Variants in LARS2 observed in about 807,000 individuals in gnomAD.
LARS2 encodes leucine--tRNA ligase, mitochondrial.
In LARS2, 81 loss-of-function variants were observed where a neutral mutation model predicts 116.6. The ratio of observed to expected loss-of-function variants is 0.69; its 90% CI spans 0.58 to 0.84. The LOEUF is 0.84. Ranked by LOEUF, LARS2 falls within the 40% of genes least tolerant of loss-of-function variation. LARS2 has a pLI of 0.00. For missense variants in LARS2, 968 were observed against 1,114.5 expected (o/e 0.87, Z 1.87); for synonymous variants, 396 against 407.2 (o/e 0.97, Z 0.33).
At chr3:45,475,352 G>A (rs1351223096) in intron 9 of LARS2, among the ~76,000 whole-genome samples, 2 of 152,208 alleles carry the variant, frequency 1.3e-5, no homozygotes, top group Non-Finnish European at 2.9e-5. Context: ...CCTCCCATAA[G>A]GGAGTGTGTA....
chr3:45,450,200 T>C (rs1228574157), intron 7 of LARS2, among the ~76,000 whole-genome samples: 3 of 152,232 alleles, frequency 2.0e-5, no homozygotes, highest in African/African-American at 7.2e-5. Context: ...ATCAGGGTAA[T>C]TGGGATATCC....
chr3:45,453,666 T>C (rs555642241), intron 7 of LARS2, among the ~76,000 whole-genome samples: 8 of 152,300 alleles, frequency 5.3e-5, no homozygotes, highest in Admixed American at 2.6e-4. Flanking sequence ...GGCCCATTCT[T>C]GATGGAATGG....
intron 15 of LARS2, among the ~76,000 whole-genome samples, chr3:45,501,774 C>T (rs1014173301): frequency 1.3e-5 from 2 of 152,180 alleles, no homozygotes; most frequent in Non-Finnish European, 2.9e-5. Flanking sequence ...TAGTGATTAC[C>T]TAAGCCTATA....
At chr3:45,394,300 C>G (rs1559453680) in intron 2 of LARS2, 133 bp from the exon 3 acceptor site, 1 of 605,042 alleles carries the variant, frequency 1.7e-6, no homozygotes, top group South Asian at 2.1e-5. Context: ...CTAAAGTATT[C>G]TTTTCAGGGA....
intron 6 of LARS2, among the ~76,000 whole-genome samples, chr3:45,428,663 G>T (rs1698640289): frequency 6.6e-6 from 1 of 152,092 alleles, no homozygotes; most frequent in Non-Finnish European, 1.5e-5. Context: ...TTTTAAAGTT[G>T]TATCAATGGA....
chr3:45,490,470 C>T (rs953945412), intron 12 of LARS2, among the ~76,000 whole-genome samples: 1 of 152,152 alleles, frequency 6.6e-6, no homozygotes, highest in African/African-American at 2.4e-5. Context: ...GGAAAAGCCG[C>T]TTTCATCTAT....
At chr3:45,433,107 T>C (rs2125696140) in intron 6 of LARS2, among the ~76,000 whole-genome samples, 1 of 152,220 alleles carries the variant, frequency 6.6e-6, no homozygotes, top group South Asian at 2.1e-4. Flanking sequence ...AATTTTTGCA[T>C]AGTATGTCTT....
intron 8 of LARS2, among the ~76,000 whole-genome samples, chr3:45,463,383 T>A (rs1699367492): frequency 1.3e-5 from 2 of 152,192 alleles, no homozygotes; most frequent in South Asian, 4.1e-4. Flanking sequence ...CCATACCAAA[T>A]TGGTGGTTAT....
At chr3:45,525,444 G>A (rs1700518273) in intron 20 of LARS2, among the ~76,000 whole-genome samples, 1 of 152,184 alleles carries the variant, frequency 6.6e-6, no homozygotes, top group Non-Finnish European at 1.5e-5. Flanking sequence ...CCAAAAAAGT[G>A]GAAAGGGCTT....
chr3:45,509,700 C>G (rs1252318408), intron 15 of LARS2, among the ~76,000 whole-genome samples: 1 of 152,042 alleles, frequency 6.6e-6, no homozygotes, highest in African/African-American at 2.4e-5. Context: ...GAGTGAAAAC[C>G]AGATTCCCAA....
chr3:45,490,468 C>T (rs958165583), intron 12 of LARS2, among the ~76,000 whole-genome samples: 6 of 152,238 alleles, frequency 3.9e-5, no homozygotes, highest in South Asian at 2.1e-4. Context: ...GGGGAAAAGC[C>T]GCTTTCATCT....
intron 20 of LARS2, among the ~76,000 whole-genome samples, chr3:45,527,828 G>A (rs1700553594): frequency 6.6e-6 from 1 of 152,158 alleles, no homozygotes; most frequent in Non-Finnish European, 1.5e-5. Context: ...TTTTCAGTGT[G>A]ACTGTCTGAT....
In LARS2 at chr3:45,500,507, A is replaced by G. The variant is rs531046259; in HGVS notation, c.1688A>G (p.His563Arg). The change falls in exon 15 of 22, where the codon CAT (histidine) becomes CGT (arginine). Residue 563 changes from histidine (H) to arginine (R), a missense_variant. Transcript: ENST00000645846. ...GATTTGTACATTGGAGGGAAAGAACATGCCGTCATGCACTTGTTCTATGCA... is the reference window on the plus strand; with the variant it reads ...GATTTGTACATTGGAGGGAAAGAACGTGCCGTCATGCACTTGTTCTATGCA... ...PVDLYIGGKE[H>R]AVMHLFYARF... 1.9e-6 allele frequency: 3 copies of G among 1,599,438 alleles called. No individual in the cohort carries two copies. The highest frequency in any genetic ancestry group is 2.7e-5 in the African/African-American group (2 of 74,066).
chr3:45,412,584 G>A (rs1325350519), intron 4 of LARS2, among the ~76,000 whole-genome samples: 1 of 152,120 alleles, frequency 6.6e-6, no homozygotes, highest in East Asian at 1.9e-4. Flanking sequence ...ATCAACTTAT[G>A]TAAAAAGAAA....
At chr3:45,537,450 G>A (rs540424051) in intron 20 of LARS2, among the ~76,000 whole-genome samples, 55 of 152,220 alleles carry the variant, frequency 3.6e-4, no homozygotes, top group African/African-American at 1.0e-3. Flanking sequence ...AATTATAAAC[G>A]TAAAAATCAT....
intron 12 of LARS2, among the ~76,000 whole-genome samples, chr3:45,490,455 G>T (rs1559485679): frequency 1.3e-5 from 2 of 152,208 alleles, no homozygotes; most frequent in African/African-American, 4.8e-5. Context: ...AAGGAGAATG[G>T]CTGGGGAAAA....
intron 11 of LARS2, 69 bp from the exon 12 acceptor site, chr3:45,488,628 G>A (rs1699856870): frequency 1.1e-6 from 1 of 900,746 alleles, no homozygotes; most frequent in Admixed American, 1.8e-5. Context: ...CTGGGTGTCA[G>A]TACTGTCAGT....
At chr3:45,529,813 G>A (rs1700587624) in intron 20 of LARS2, among the ~76,000 whole-genome samples, 1 of 152,188 alleles carries the variant, frequency 6.6e-6, no homozygotes, top group Non-Finnish European at 1.5e-5. Flanking sequence ...AACTGGAGTA[G>A]CCCAACCTGG....
chr3:45,521,096 A>ATT (rs1299453747), intron 19 of LARS2, among the ~76,000 whole-genome samples: 1 of 152,048 alleles, frequency 6.6e-6, no homozygotes, highest in East Asian at 1.9e-4. Context: ...CGAGGTCAGG[A>ATT]GATCAAGACC....
Sources: gnomAD v4.1 joint callset for allele counts (sites outside exome capture counted in the v4.1 genomes callset) on GRCh38, gnomAD v4.1.1 for gene constraint, MANE v1.5 for transcripts, NCBI Gene and HGNC (gene_info 2026-07-23, HGNC 2026-07-21) for gene names.